FBXL17: variants seen among roughly 807,000 people sequenced by gnomAD.
FBXL17 encodes the protein F-box and leucine rich repeat protein 17.
A neutral mutation model predicts 66.2 loss-of-function variants in FBXL17; 22 were observed. That is an observed-to-expected ratio of 0.33 (90% CI 0.24 to 0.47). The LOEUF (loss-of-function observed/expected upper bound fraction) is 0.47. FBXL17 is among the 20% of genes least tolerant of loss of function. The pLI, the probability that FBXL17 is intolerant of heterozygous loss-of-function variation, is 1.00. For missense variants in FBXL17, 878 were observed against 948.2 expected, an observed-to-expected ratio of 0.93 and a Z score of 0.97; for synonymous variants, 474 against 400.5, an observed-to-expected ratio of 1.18 and a Z score of -2.19.
chr5:108,044,434 T>C (rs531253618), intron 6 of FBXL17, among the ~76,000 whole-genome samples: 2 of 152,294 alleles, frequency 1.3e-5, no homozygotes, highest in South Asian at 2.1e-4. Flanking sequence ...TGACAACTGA[T>C]ATGATCATGT....
chr5:108,272,811 C>A (rs1458312386), intron 4 of FBXL17, among the ~76,000 whole-genome samples: 1 of 152,082 alleles, frequency 6.6e-6, no homozygotes, highest in Non-Finnish European at 1.5e-5. Context: ...ACAGCTACAG[C>A]AAAATGAATT....
intron 6 of FBXL17, among the ~76,000 whole-genome samples, chr5:108,148,167 GAAGT>G (rs767373943): frequency 3.3e-5 from 5 of 152,110 alleles, no homozygotes; most frequent in Admixed American, 6.6e-5. Context: ...AGGGAGAAAA[GAAGT>G]AAGTCTGACA....
Position 108,350,360 on chromosome 5 carries a change from A to C in FBXL17, c.1375-1830T>G, listed in dbSNP as rs540453902. ...GGGTTTTTGGACTGGGGTATACCAC[A>C]GATAGCTGAGAACCAAAGCACAATG... On this transcript the variant is annotated intron_variant, in intron 3 of 8. Coordinates refer to ENST00000542267, the MANE Select transcript of FBXL17 (RefSeq NM_001163315.3). 2.4e-4 allele frequency among the ~76,000 whole-genome samples: 36 copies of C among 152,320 alleles called. No individual in the cohort carries two copies. In the South Asian group the frequency reaches 7.3e-3, roughly 31 times the overall value.
At chr5:107,877,084 T>C (rs939256542) in intron 8 of FBXL17, among the ~76,000 whole-genome samples, 23 of 152,242 alleles carry the variant, frequency 1.5e-4, no homozygotes, top group African/African-American at 5.3e-4. Context: ...CTCTTGGTTC[T>C]TACAATGCAC....
rs574086670 is a variant in FBXL17 at position 108,293,044 on chromosome 5, C to T, written c.1506+55355G>A. On this transcript the variant is annotated intron_variant, in intron 4 of 8. Transcript: ENST00000542267. ...CGGAGCTTATAGTGAGCTGAGATCA[C>T]GCCACTGCACTCCAGCCTGGGCAAC... Among the ~76,000 whole-genome samples the T allele has an allele frequency of 4.8e-5, 7 of 145,822 alleles. No individual in the cohort carries two copies. The East Asian group carries it at 6.1e-4, about 13-fold the overall frequency.
chr5:108,257,033 A>G (rs969471624), intron 4 of FBXL17, among the ~76,000 whole-genome samples: 3 of 152,220 alleles, frequency 2.0e-5, no homozygotes, highest in African/African-American at 7.2e-5. Flanking sequence ...TTCAGTTACC[A>G]GCCTCTGGCT....
intron 6 of FBXL17, among the ~76,000 whole-genome samples, chr5:108,126,666 T>TAC (rs1191525946): frequency 1.7e-4 from 23 of 132,096 alleles, no homozygotes; most frequent in African/African-American, 5.8e-4. Flanking sequence ...TATATATACA[T>TAC]ATATATATAT....
chr5:107,932,651 A>C (rs1056373531), intron 7 of FBXL17, among the ~76,000 whole-genome samples: 7 of 152,192 alleles, frequency 4.6e-5, no homozygotes, highest in Non-Finnish European at 1.0e-4. Flanking sequence ...ACGGTGAAAA[A>C]ATTTCAAGAA....
chr5:107,945,986 C>T (rs1488244023), intron 7 of FBXL17, among the ~76,000 whole-genome samples: 1 of 151,724 alleles, frequency 6.6e-6, no homozygotes, highest in Non-Finnish European at 1.5e-5. Flanking sequence ...AGACATATTC[C>T]AGTGCATTGA....
chr5:108,124,579 AT>A (rs2149968621), intron 6 of FBXL17, among the ~76,000 whole-genome samples: 1 of 152,222 alleles, frequency 6.6e-6, no homozygotes, highest in South Asian at 2.1e-4. Flanking sequence ...TACTGAAAAC[AT>A]TTCATTTTGG....
At chr5:108,256,982 T>A (rs540994887) in intron 4 of FBXL17, among the ~76,000 whole-genome samples, 5 of 152,258 alleles carry the variant, frequency 3.3e-5, no homozygotes, top group African/African-American at 9.6e-5. Context: ...CTTTAGCATT[T>A]TCAGGAGCAA....
At chr5:108,200,431 C>A (rs576494635) in intron 5 of FBXL17, among the ~76,000 whole-genome samples, 2 of 152,174 alleles carry the variant, frequency 1.3e-5, no homozygotes, top group African/African-American at 4.8e-5. Flanking sequence ...AACGGGAGTT[C>A]TTTATAACAA....
chr5:108,298,820 A>AC, intron 4 of FBXL17: 9 of 878,354 alleles, frequency 1.0e-5, no homozygotes, highest in Non-Finnish European at 1.2e-5. Context: ...TCAAAATAAA[A>AC]CAAAAAATAA....
chr5:107,998,143 C>A (rs1283996402), intron 7 of FBXL17, among the ~76,000 whole-genome samples: 2 of 152,060 alleles, frequency 1.3e-5, no homozygotes, highest in African/African-American at 2.4e-5. Flanking sequence ...TGATTACATG[C>A]TGGAATAATA....
intron 7 of FBXL17, among the ~76,000 whole-genome samples, chr5:107,890,546 C>T (rs573826604): frequency 6.6e-6 from 1 of 151,964 alleles, no homozygotes; most frequent in Admixed American, 6.6e-5. Flanking sequence ...CACCTGTGGT[C>T]CCAACTATTG....
intron 7 of FBXL17, among the ~76,000 whole-genome samples, chr5:107,927,879 T>C (rs11743737): frequency 0.46 from 70,435 of 151,976 alleles, 16,992 homozygotes; most frequent in Non-Finnish European, 0.53. Flanking sequence ...TTTCAGATCA[T>C]GTTGGCAATT....
intron 4 of FBXL17, among the ~76,000 whole-genome samples, chr5:108,347,040 A>C (rs1435887317): frequency 6.6e-6 from 1 of 152,204 alleles, no homozygotes; most frequent in Non-Finnish European, 1.5e-5. Context: ...GACTACCCTG[A>C]CAACATTTTC....
chr5:108,201,194 T>C (rs187584241), intron 5 of FBXL17, among the ~76,000 whole-genome samples: 2 of 152,274 alleles, frequency 1.3e-5, no homozygotes, highest in East Asian at 1.9e-4. Context: ...TTTAGAATCA[T>C]GGAGAACACT....
intron 5 of FBXL17, among the ~76,000 whole-genome samples, chr5:108,217,362 AAT>A (rs1754651201): frequency 6.6e-6 from 1 of 152,068 alleles, no homozygotes; most frequent in Non-Finnish European, 1.5e-5. Flanking sequence ...ATATTGAAAC[AAT>A]ATATACCCTT....
Sources: gnomAD v4.1 joint callset for allele counts (sites outside exome capture counted in the v4.1 genomes callset) on GRCh38, gnomAD v4.1.1 for gene constraint, MANE v1.5 for transcripts, NCBI Gene and HGNC (gene_info 2026-07-23, HGNC 2026-07-21) for gene names.